Variants in ARID1B observed in about 807,000 individuals in gnomAD.
The protein encoded by ARID1B is AT-rich interaction domain 1B, also known as AT-rich interactive domain-containing protein 1B.
A neutral mutation model predicts 212.3 loss-of-function variants in ARID1B; 30 were observed. The ratio of observed to expected loss-of-function variants is 0.14; its 90% CI spans 0.11 to 0.19. The LOEUF is 0.19. ARID1B is among the 10% of genes least tolerant of loss of function. The pLI, the probability that ARID1B is intolerant of heterozygous loss-of-function variation, is 1.00. For synonymous variants in ARID1B, 1,402 were observed against 1,301.7 expected, an observed-to-expected ratio of 1.08 and a Z score of -1.66; for missense variants, 2,891 against 3,204.0, an observed-to-expected ratio of 0.90 and a Z score of 2.36.
At chr6:156,847,576 A>G (rs1784314516) in intron 2 of ARID1B, among the ~76,000 whole-genome samples, 1 of 152,180 alleles carries the variant, frequency 6.6e-6, no homozygotes, top group Admixed American at 6.5e-5. Flanking sequence ...ATGGGAAGGA[A>G]AGAGAGTTTT....
chr6:156,857,817 C>T (rs1168550991), intron 2 of ARID1B, among the ~76,000 whole-genome samples: 2 of 152,204 alleles, frequency 1.3e-5, no homozygotes, highest in African/African-American at 2.4e-5. Context: ...GTATAGCCTG[C>T]TGCACACCTA....
At chr6:156,881,348 T>A (rs1428275257) in intron 2 of ARID1B, among the ~76,000 whole-genome samples, 1 of 152,240 alleles carries the variant, frequency 6.6e-6, no homozygotes, top group Non-Finnish European at 1.5e-5. Flanking sequence ...TCTGGCATGT[T>A]GTATTTGAAG....
Position 157,207,680 on chromosome 6 carries a change from T to C in ARID1B, c.6908T>C (p.Met2303Thr). 6.2e-7 allele frequency: 1 copy of C among 1,611,270 alleles called. No homozygotes were observed. The highest frequency in any genetic ancestry group is 1.1e-5 in the South Asian group (1 of 91,048). Residue 2303 changes from methionine to threonine, a missense_variant, in exon 20 of 20, where the codon ATG becomes ACG. By Grantham distance (81) the Met-to-Thr change is moderately conservative. Around this residue, in one of 7 missense-constraint regions of ARID1B, gnomAD observed 187 missense variants for 306.5 expected, o/e 0.61. Transcript: ENST00000636930. This position sits in a 1 kb window ranked among gnomAD's most constrained non-coding sequence, Gnocchi z 8.5. ...TACCAGCAGAGCCAGCACAACCTCA[T>C]GCACATGCAGCCCCCGCCCCTGGAA... ...AQYQQSQHNLMHMQPPPLEPP... is the reference protein window; with the variant it reads ...AQYQQSQHNLTHMQPPPLEPP...
At chr6:156,988,980 A>T (rs1315336778) in intron 4 of ARID1B, among the ~76,000 whole-genome samples, 3 of 152,128 alleles carry the variant, frequency 2.0e-5, no homozygotes, top group Non-Finnish European at 4.4e-5. Flanking sequence ...TGTAGCTTGG[A>T]CCCATGGCCA....
intron 3 of ARID1B, among the ~76,000 whole-genome samples, chr6:156,918,318 C>G (rs1010001376): frequency 4.6e-5 from 7 of 152,034 alleles, no homozygotes; most frequent in Non-Finnish European, 2.9e-5. Flanking sequence ...AATTTATAAG[C>G]CAATCCTGCA....
At chr6:157,154,846 G>A (rs1790474315) in intron 8 of ARID1B, among the ~76,000 whole-genome samples, 1 of 152,124 alleles carries the variant, frequency 6.6e-6, no homozygotes, top group Admixed American at 6.5e-5. Context: ...CTCCCAAAGT[G>A]CTGGGATTAC....
At chr6:156,967,962 T>C (rs908524368) in intron 4 of ARID1B, among the ~76,000 whole-genome samples, 1 of 152,152 alleles carries the variant, frequency 6.6e-6, no homozygotes, top group East Asian at 1.9e-4. Context: ...GTGTAGACTT[T>C]CGGGGTACTG....
intron 4 of ARID1B, among the ~76,000 whole-genome samples, chr6:157,054,015 G>A (rs3860825): frequency 0.31 from 47,215 of 151,750 alleles, 7,474 homozygotes; most frequent in Non-Finnish European, 0.32. Flanking sequence ...ACCTGAGGTC[G>A]GGAGTTCGAG....
rs753123473 is a variant in ARID1B, at chr6:157,207,867, A to G, written c.7095A>G (p.Val2365=). The G allele has an allele frequency of 2.7e-6, 4 of 1,506,882 alleles. No homozygotes were observed. The highest frequency in any genetic ancestry group is 1.8e-4 in the Middle Eastern group (1 of 5,552). The allele number at this position is 1,506,882 out of a possible 1,614,324, so 93.3% of individuals were successfully genotyped here. Residue 2365 remains valine, a synonymous_variant, in exon 20 of 20, where the codon GTA becomes GTG. Coordinates refer to ENST00000636930, the MANE Select transcript of ARID1B (RefSeq NM_001374828.1). The surrounding 1 kb of genome is among the most constrained non-coding windows in gnomAD (Gnocchi z 8.5). The part of the protein sequence containing the change: ...NSLVASVICD[V]LFQIGQL ...TGGTTGCATCTGTCATCTGTGATGT[A>G]CTGTTTCAGATTGGGCAGTTATGAC...
intron 11 of ARID1B, among the ~76,000 whole-genome samples, chr6:157,177,381 C>T (rs1035396961): frequency 2.0e-5 from 3 of 152,148 alleles, no homozygotes; most frequent in Admixed American, 1.3e-4. Flanking sequence ...CATGCAACCC[C>T]GGAATAGTTA....
intron 1 of ARID1B, among the ~76,000 whole-genome samples, chr6:156,815,497 A>G (rs1709065): frequency 0.53 from 80,795 of 151,998 alleles, 22,916 homozygotes; most frequent in African/African-American, 0.74. Flanking sequence ...TTTTAAAATA[A>G]CAGTGCTTTT....
intron 4 of ARID1B, among the ~76,000 whole-genome samples, chr6:157,004,912 T>A (rs867366715): frequency 8.8e-6 from 1 of 113,452 alleles, no homozygotes; most frequent in Non-Finnish European, 1.8e-5. Flanking sequence ...TTTTTTTTTT[T>A]TTTTTTTTTT....
At chr6:156,857,884 T>C (rs942127795) in intron 2 of ARID1B, among the ~76,000 whole-genome samples, 3 of 152,198 alleles carry the variant, frequency 2.0e-5, no homozygotes, top group Admixed American at 6.5e-5. Flanking sequence ...CATGTGACTG[T>C]ATTGAATACT....
At chr6:157,092,039 GA>G (rs959875170) in intron 5 of ARID1B, among the ~76,000 whole-genome samples, 12 of 149,648 alleles carry the variant, frequency 8.0e-5, no homozygotes, top group African/African-American at 1.5e-4. Flanking sequence ...AGCCGAGGAG[GA>G]AAAAAAAAAT....
chr6:157,085,091 A>G (rs894382024), intron 5 of ARID1B, among the ~76,000 whole-genome samples, 186 bp downstream of exon 5: 2 of 152,136 alleles, frequency 1.3e-5, no homozygotes, highest in Non-Finnish European at 2.9e-5. Flanking sequence ...GATTATAACT[A>G]CCCCTTTAAT....
At chr6:157,158,675 C>G (rs1053163405) in intron 8 of ARID1B, among the ~76,000 whole-genome samples, 1 of 152,190 alleles carries the variant, frequency 6.6e-6, no homozygotes, top group African/African-American at 2.4e-5. Context: ...TCTGTGGCTC[C>G]TCGGCAGCTA....
At chr6:156,985,075 T>A (rs1045378056) in intron 4 of ARID1B, 6 of 152,214 alleles carry the variant, frequency 3.9e-5, no homozygotes, top group African/African-American at 1.2e-4. Context: ...CTTTATATAT[T>A]TTTAAAGTTC....
At chr6:157,161,785 C>G (rs1292817340) in intron 8 of ARID1B, among the ~76,000 whole-genome samples, 1 of 152,098 alleles carries the variant, frequency 6.6e-6, no homozygotes, top group Admixed American at 6.5e-5. Flanking sequence ...TGATAAAGTG[C>G]CCCAAGTTTT....
chr6:156,951,601 G>A (rs112946455), intron 4 of ARID1B, among the ~76,000 whole-genome samples: 4,735 of 151,824 alleles, frequency 0.031, 197 homozygotes, highest in African/African-American at 0.099. Context: ...CCGCCACCAC[G>A]CCCAACTAAT....
Sources: gnomAD v4.1 joint callset for allele counts (sites outside exome capture counted in the v4.1 genomes callset) on GRCh38, gnomAD v4.1.1 for gene constraint, gnomAD v4.1.1 regional missense constraint, Gnocchi (gnomAD v3.1) non-coding constraint, MANE v1.5 for transcripts, NCBI Gene and HGNC (gene_info 2026-07-23, HGNC 2026-07-21) for gene names.